RAI1: variants seen among roughly 807,000 people sequenced by gnomAD.
RAI1 encodes retinoic acid-induced protein 1.
RAI1 carries 9 observed loss-of-function variants against 123.8 expected under a neutral mutation model. The observed-to-expected ratio is 0.07, with a 90% CI of 0.04 to 0.13. RAI1 has a LOEUF of 0.13. Ranked by LOEUF, RAI1 falls within the 10% of genes least tolerant of loss-of-function variation. The pLI, the probability that RAI1 is intolerant of heterozygous loss-of-function variation, is 1.00. For synonymous variants in RAI1, 1,231 were observed against 1,127.3 expected (o/e 1.09, Z -1.84); for missense variants, 2,256 against 2,545.8 (o/e 0.89, Z 2.45).
chr17:17,796,678 CGCA>C lies in RAI1; in HGVS notation c.3746_3748del (p.Ser1249del), dbSNP rs760919336. ...GAAGCGGAACCTGGTCTTGCGGAGC[CGCA>C]GCAGCAGCAGCAGCAACGCCAGTGG... On this transcript the variant is annotated inframe_deletion, in exon 3 of 6. Transcript: ENST00000353383. This position sits in a 1 kb window ranked among gnomAD's most constrained non-coding sequence, Gnocchi z 5.8. 5.6e-5 allele frequency: 90 copies of C among 1,608,796 alleles called. No individual in the cohort carries two copies. Among genetic ancestry groups the C allele is most frequent in the Admixed American group, 1.0e-4 (6 of 59,726 alleles).
chr17:17,772,775 C>T (rs2031205270), intron 2 of RAI1, among the ~76,000 whole-genome samples: 1 of 152,166 alleles, frequency 6.6e-6, no homozygotes. Context: ...CTGGCACTTA[C>T]TTGCCTTCTC....
In RAI1 at chr17:17,795,378, C is replaced by T. The variant is rs769527707; in HGVS notation, c.2430C>T (p.Phe810=). ...GEKVASLPGD[F]KQEEVGGVKE... ...AGGTGGCCTCGTTGCCCGGGGACTT[C>T]AAGCAGGAGGAGGTGGGTGGGGTGA... The change falls in exon 3 of 6, where the codon TTC becomes TTT. Residue 810 remains phenylalanine (F), a synonymous_variant. Transcript: ENST00000353383. This position sits in a 1 kb window ranked among gnomAD's most constrained non-coding sequence, Gnocchi z 5.9. 14 of 1,593,780 alleles carry T rather than the reference C, an allele frequency of 8.8e-6. No individual in the cohort carries two copies. In the African/African-American group the frequency reaches 1.3e-4, roughly 15 times the overall value.
chr17:17,785,250 C>T (rs1382226389), intron 2 of RAI1, among the ~76,000 whole-genome samples: 2 of 152,236 alleles, frequency 1.3e-5, no homozygotes, highest in African/African-American at 4.8e-5. Flanking sequence ...CTGTTGCATG[C>T]ATCCTGGCCT....
At chr17:17,803,224 C>G (rs2143005063) in intron 3 of RAI1, among the ~76,000 whole-genome samples, 1 of 152,252 alleles carries the variant, frequency 6.6e-6, no homozygotes, top group South Asian at 2.1e-4. Flanking sequence ...AGGGGGTCTC[C>G]CTACCCAATG....
Position 17,751,935 on chromosome 17 carries a change from T to C in RAI1, c.-17+27776T>C, listed in dbSNP as rs544164905. 8.5e-5 allele frequency among the ~76,000 whole-genome samples: 13 copies of C among 152,334 alleles called. No homozygotes were observed. In the South Asian group the frequency reaches 1.9e-3, roughly 22 times the overall value. On this transcript the variant is annotated intron_variant, in intron 2 of 5. Coordinates refer to ENST00000353383, the MANE Select transcript of RAI1 (RefSeq NM_030665.4). ...CCGTGCGTCTCCCCAACTCCTCCCA[T>C]AGAAGCCACCAAGGGCAGAGTTTTT...
At chr17:17,746,414 G>T (rs2029924963) in intron 2 of RAI1, among the ~76,000 whole-genome samples, 1 of 152,178 alleles carries the variant, frequency 6.6e-6, no homozygotes, top group East Asian at 1.9e-4. Flanking sequence ...CTCTGGGCAG[G>T]AGGTAGAGAA....
At chr17:17,763,788 G>A (rs939476841) in intron 2 of RAI1, among the ~76,000 whole-genome samples, 7 of 152,220 alleles carry the variant, frequency 4.6e-5, no homozygotes, top group Non-Finnish European at 8.8e-5. Context: ...CTCAAGATAG[G>A]CTGGGCGTGC....
chr17:17,740,957 C>T (rs1598046968), intron 2 of RAI1, among the ~76,000 whole-genome samples: 2 of 20,386 alleles, frequency 9.8e-5, no homozygotes, highest in South Asian at 4.9e-3. Context: ...AGGCCGTGGG[C>T]GGGTGGGAGG....
intron 3 of RAI1, among the ~76,000 whole-genome samples, chr17:17,802,422 G>A (rs2032492264): frequency 6.6e-6 from 1 of 152,204 alleles, no homozygotes; most frequent in South Asian, 2.1e-4. Context: ...CCTGGAATGG[G>A]AGCCTCAGTT....
intron 2 of RAI1, among the ~76,000 whole-genome samples, chr17:17,727,531 G>A (rs1916135772): frequency 1.3e-5 from 2 of 152,208 alleles, no homozygotes; most frequent in Admixed American, 6.5e-5. Flanking sequence ...GTGTGTTCAC[G>A]GGATCTGGCG....
At chr17:17,682,611 AG>A (rs1333453083) in intron 1 of RAI1, 4 of 151,642 alleles carry the variant, frequency 2.6e-5, no homozygotes, top group African/African-American at 9.7e-5. Flanking sequence ...GGCGGGGACA[AG>A]GGGTGGCAGG....
chr17:17,734,304 CATG>C (rs1916356307), intron 2 of RAI1, among the ~76,000 whole-genome samples: 1 of 151,720 alleles, frequency 6.6e-6, no homozygotes, highest in South Asian at 2.1e-4. Context: ...TTTAGCCAGG[CATG>C]GTGGTGGGTG....
At chr17:17,698,635 C>T (rs1414993910) in intron 1 of RAI1, among the ~76,000 whole-genome samples, 1 of 152,256 alleles carries the variant, frequency 6.6e-6, no homozygotes, top group Non-Finnish European at 1.5e-5. Flanking sequence ...AGCCCTTCCC[C>T]TGCCTGCACC....
rs182526540 is a variant in RAI1, at chr17:17,796,774, C to A, written c.3826C>A (p.Pro1276Thr). ...SPTLFKRMSS[P>T]KKAKPTKGNG... The stretch of plus-strand genomic sequence containing the variant: ...CACCCTCTTCAAGAGGATGTCTTCT[C>A]CCAAGAAAGCCAAGCCCACCAAGGG... The change falls in exon 3 of 6, where the codon CCC (proline) becomes ACC (threonine). Residue 1276 changes from proline (P) to threonine (T), a missense_variant. This residue lies in a region of RAI1 where 322 missense variants were observed against 358.0 expected (regional missense o/e 0.90). Transcript: ENST00000353383. This position sits in a 1 kb window ranked among gnomAD's most constrained non-coding sequence, Gnocchi z 5.8. 4.1e-4 allele frequency: 669 copies of A among 1,613,064 alleles called. 6 individuals carry two copies. The highest frequency in any genetic ancestry group is 1.6e-4 in the Middle Eastern group (1 of 6,062).
chr17:17,774,339 G>C (rs114028386), intron 2 of RAI1, among the ~76,000 whole-genome samples: 1 of 152,198 alleles, frequency 6.6e-6, no homozygotes, highest in African/African-American at 2.4e-5. Flanking sequence ...TCAGGTACTC[G>C]GTGTTCTTTC....
chr17:17,694,400 G>A (rs1238871356), intron 1 of RAI1, among the ~76,000 whole-genome samples: 1 of 152,090 alleles, frequency 6.6e-6, no homozygotes. Flanking sequence ...TCTGGGGTGT[G>A]AGTCACATTC....
intron 1 of RAI1, among the ~76,000 whole-genome samples, chr17:17,717,341 G>C (rs1915742395): frequency 6.6e-6 from 1 of 152,164 alleles, no homozygotes; most frequent in African/African-American, 2.4e-5. Context: ...GGGCCCAGCT[G>C]TTCCCATGGC....
intron 1 of RAI1, among the ~76,000 whole-genome samples, chr17:17,712,366 A>C (rs1022500310): frequency 6.6e-6 from 1 of 152,232 alleles, no homozygotes; most frequent in Non-Finnish European, 1.5e-5. Context: ...TTTGGGTGGA[A>C]GGGGCAGCTA....
chr17:17,744,557 C>A (rs1348279204), intron 2 of RAI1, among the ~76,000 whole-genome samples: 1 of 152,088 alleles, frequency 6.6e-6, no homozygotes, highest in South Asian at 2.1e-4. Context: ...CTTTGGGAGG[C>A]CGAGGCGGAC....
Sources: allele counts gnomAD v4.1 joint callset (sites outside exome capture counted in the v4.1 genomes callset), GRCh38; gene constraint gnomAD v4.1.1; regional missense constraint gnomAD v4.1.1; non-coding constraint Gnocchi (gnomAD v3.1); transcripts MANE v1.5; gene names NCBI Gene and HGNC (gene_info 2026-07-23, HGNC 2026-07-21).